Variants in RABGAP1L observed in about 807,000 individuals in gnomAD.
The protein encoded by RABGAP1L is rab GTPase-activating protein 1-like.
RABGAP1L carries 63 observed loss-of-function variants against 137.7 expected under a neutral mutation model. The ratio of observed to expected loss-of-function variants is 0.46; its 90% CI spans 0.37 to 0.56. The LOEUF is 0.56. Among genes scored for constraint, RABGAP1L ranks in the 20% least tolerant of loss-of-function variants. The probability of loss-of-function intolerance (pLI) is 0.00; values close to 1 mark genes in which losing one functional copy is unlikely to be tolerated. For synonymous variants in RABGAP1L, 431 were observed against 433.7 expected, an observed-to-expected ratio of 0.99 and a Z score of 0.08; for missense variants, 1,095 against 1,244.0, an observed-to-expected ratio of 0.88 and a Z score of 1.80.
intron 13 of RABGAP1L, among the ~76,000 whole-genome samples, chr1:174,600,497 C>T (rs1670326151): frequency 1.3e-5 from 2 of 152,224 alleles, no homozygotes; most frequent in Admixed American, 1.3e-4. Flanking sequence ...AAGCTAGTTA[C>T]TTCCTAGATA....
At chr1:174,565,325 T>C (rs940301671) in intron 13 of RABGAP1L, among the ~76,000 whole-genome samples, 8 of 152,200 alleles carry the variant, frequency 5.3e-5, no homozygotes, top group Admixed American at 1.3e-4. Context: ...TCACTCCACT[T>C]AATTAATATA....
chr1:174,715,192 T>A (rs755871637), intron 17 of RABGAP1L, among the ~76,000 whole-genome samples: 2 of 152,208 alleles, frequency 1.3e-5, no homozygotes, highest in Non-Finnish European at 2.9e-5. Flanking sequence ...AATATTTGAA[T>A]GCTTCCCATT....
chr1:174,807,304 C>A (rs903951582), intron 18 of RABGAP1L, among the ~76,000 whole-genome samples: 1 of 151,956 alleles, frequency 6.6e-6, no homozygotes, highest in African/African-American at 2.4e-5. Flanking sequence ...TATGACCCCA[C>A]CATGTAGACA....
intron 13 of RABGAP1L, among the ~76,000 whole-genome samples, chr1:174,460,965 A>G (rs1229581238): frequency 6.6e-6 from 1 of 152,112 alleles, no homozygotes; most frequent in Non-Finnish European, 1.5e-5. Context: ...CTTTAAGCTC[A>G]GATAATCTTC....
At chr1:174,706,163 C>T (rs1486623131) in intron 17 of RABGAP1L, among the ~76,000 whole-genome samples, 2 of 152,114 alleles carry the variant, frequency 1.3e-5, no homozygotes, top group Non-Finnish European at 2.9e-5. Flanking sequence ...TTCATTCATT[C>T]TGAGGTTAAG....
At chr1:174,233,426 C>A (rs1241253170) in intron 4 of RABGAP1L, among the ~76,000 whole-genome samples, 6 of 118,432 alleles carry the variant, frequency 5.1e-5, no homozygotes, top group Non-Finnish European at 1.7e-5. Flanking sequence ...TCCCCCCACC[C>A]CACAACAGTC....
In RABGAP1L at chr1:174,236,750, T is replaced by A. The variant is rs1304125460; in HGVS notation, c.543-4733T>A. Among the ~76,000 whole-genome samples the A allele has an allele frequency of 7.0e-5, 8 of 114,460 alleles. No homozygotes were observed. The East Asian group carries it at 1.3e-3, about 18-fold the overall frequency. The allele number at this position is 114,460 out of a possible 152,430, so 75.1% of individuals were successfully genotyped here. A position where few individuals can be genotyped will look rare whatever the true frequency, so the allele number is the denominator to read the frequency against. On this transcript the variant is annotated intron_variant, in intron 4 of 25. Transcript: ENST00000681986. ...CTGAAAAAAATGTATATTCTGTTGA[T>A]TTGGGGTGGAGAGTTCTGTAGATGT...
At chr1:174,644,245 G>A (rs1038636033) in intron 14 of RABGAP1L, among the ~76,000 whole-genome samples, 7 of 152,024 alleles carry the variant, frequency 4.6e-5, no homozygotes, top group African/African-American at 1.7e-4. Context: ...ACTCTTCAGA[G>A]TGCCTAAAGA....
At chr1:174,327,265 T>G (rs929990130) in intron 11 of RABGAP1L, among the ~76,000 whole-genome samples, 9 of 152,070 alleles carry the variant, frequency 5.9e-5, no homozygotes, top group Admixed American at 4.6e-4. Context: ...GCAACTACAA[T>G]AATTTGCTAA....
chr1:174,815,326 A>G (rs1053717951), intron 19 of RABGAP1L, among the ~76,000 whole-genome samples: 48 of 152,348 alleles, frequency 3.2e-4, no homozygotes, highest in African/African-American at 1.1e-3. Context: ...TATGTGTTAG[A>G]CAAAGCATTC....
At chr1:174,389,035 C>T (rs1411208038) in intron 12 of RABGAP1L, among the ~76,000 whole-genome samples, 2 of 151,590 alleles carry the variant, frequency 1.3e-5, no homozygotes, top group Non-Finnish European at 2.9e-5. Context: ...AAAATTGATA[C>T]ATATTTAGTA....
intron 3 of RABGAP1L, among the ~76,000 whole-genome samples, chr1:174,223,982 G>A (rs61828583): frequency 0.089 from 13,594 of 152,186 alleles, 821 homozygotes; most frequent in East Asian, 0.22. Context: ...AGTAAATAGT[G>A]TTGGGACAGT....
At chr1:174,912,366 C>A (rs1481176904) in intron 19 of RABGAP1L, among the ~76,000 whole-genome samples, 2 of 152,160 alleles carry the variant, frequency 1.3e-5, no homozygotes, top group Non-Finnish European at 2.9e-5. Flanking sequence ...TGTTCTTGAA[C>A]TCCTGGCCTC....
Position 174,702,055 on chromosome 1 carries a change from C to A in RABGAP1L, c.2026-58C>A. 7 of 1,521,914 alleles carry A rather than the reference C, an allele frequency of 4.6e-6. No homozygotes were observed. The Admixed American group carries it at 8.0e-5, about 17-fold the overall frequency. The allele number at this position is 1,521,914 out of a possible 1,614,324, so 94.3% of individuals were successfully genotyped here. ...TTGTAAGTTGCAGTTGTGGCAGGAA[C>A]TTCATTGTTCTGCTGCAAGCTTCTC... On this transcript the variant is annotated intron_variant, in intron 16 of 25. Coordinates refer to ENST00000681986, the MANE Select transcript of RABGAP1L (RefSeq NM_001366446.1).
chr1:174,366,807 A>G (rs937344494), intron 11 of RABGAP1L, among the ~76,000 whole-genome samples: 24 of 135,330 alleles, frequency 1.8e-4, no homozygotes, highest in African/African-American at 6.2e-4. Context: ...AAAAAAAAAA[A>G]GAAGTTTAGC....
intron 12 of RABGAP1L, among the ~76,000 whole-genome samples, chr1:174,372,043 C>T (rs1212053588): frequency 6.6e-6 from 1 of 151,674 alleles, no homozygotes; most frequent in Non-Finnish European, 1.5e-5. Flanking sequence ...GGAGATAAAC[C>T]CTGAATGGCC....
chr1:174,653,069 G>A (rs1200882150), intron 14 of RABGAP1L, among the ~76,000 whole-genome samples: 1 of 152,140 alleles, frequency 6.6e-6, no homozygotes, highest in Non-Finnish European at 1.5e-5. Flanking sequence ...TGCCCAGTTC[G>A]AACTTCCCAG....
At chr1:174,850,616 G>C (rs552259260) in intron 19 of RABGAP1L, among the ~76,000 whole-genome samples, 1 of 152,236 alleles carries the variant, frequency 6.6e-6, no homozygotes, top group South Asian at 2.1e-4. Flanking sequence ...AATGTAGTAG[G>C]CATAATTTCT....
At chr1:174,195,699 TCTTTCC>T (rs1456645773) in intron 1 of RABGAP1L, among the ~76,000 whole-genome samples, 21 of 112,556 alleles carry the variant, frequency 1.9e-4, no homozygotes, top group East Asian at 9.8e-4. Flanking sequence ...CTTCTTTCCT[TCTTTCC>T]TTCTTTCTTT....
Sources: allele counts gnomAD v4.1 joint callset (sites outside exome capture counted in the v4.1 genomes callset), GRCh38; gene constraint gnomAD v4.1.1; transcripts MANE v1.5; gene names NCBI Gene and HGNC (gene_info 2026-07-23, HGNC 2026-07-21).